The following L3MBTL2 variants were observed in gnomAD, a reference collection of about 807,000 sequenced individuals.
L3MBTL2 encodes the protein L3MBTL histone methyl-lysine binding protein 2.
L3MBTL2 carries 49 observed loss-of-function variants against 86.4 expected under a neutral mutation model. The observed-to-expected ratio is 0.57, with a 90% CI of 0.45 to 0.72. L3MBTL2 has a LOEUF of 0.72. Among genes scored for constraint, L3MBTL2 ranks in the 30% least tolerant of loss-of-function variants. L3MBTL2 has a pLI of 0.00. For synonymous variants in L3MBTL2, 336 were observed against 350.6 expected (o/e 0.96, Z 0.47); for missense variants, 755 against 923.7 (o/e 0.82, Z 2.37).
chr22:41,220,680 A>G (rs577562222), intron 6 of L3MBTL2, 54 bp from the exon 7 acceptor site: 148 of 1,539,540 alleles, frequency 9.6e-5, no homozygotes, highest in Non-Finnish European at 1.2e-4. Context: ...AAAAAACAGA[A>G]CATACCTTCC....
rs2032242769 is a variant in L3MBTL2, at chr22:41,227,162, G to A, written c.1661G>A (p.Cys554Tyr). 6 of 1,613,752 alleles carry A rather than the reference G, an allele frequency of 3.7e-6. No individual in the cohort carries two copies. Among genetic ancestry groups the A allele is most frequent in the East Asian group, 2.2e-5 (1 of 44,892 alleles). ...GACCTGATGGAGCCCCGGCTCATCTGTGTGGCCACGGTGAAACGAGTGGTG... is the reference window on the plus strand; with the variant it reads ...GACCTGATGGAGCCCCGGCTCATCTATGTGGCCACGGTGAAACGAGTGGTG... ...AVDLMEPRLI[C>Y]VATVKRVVHR... The change falls in exon 14 of 17, where the codon TGT becomes TAT. Residue 554 changes from cysteine to tyrosine, a missense_variant. Physicochemically the swap from Cys to Tyr is radical, Grantham distance 194. Around this residue, in one of 3 missense-constraint regions of L3MBTL2, gnomAD observed 634 missense variants for 748.9 expected, o/e 0.85. Coordinates refer to ENST00000216237, the MANE Select transcript of L3MBTL2 (RefSeq NM_031488.5). The surrounding 1 kb of genome is among the most constrained non-coding windows in gnomAD (Gnocchi z 6.0).
rs1299049790 is a variant in L3MBTL2, at chr22:41,227,189, A to G, written c.1688A>G (p.His563Arg). ...ICVATVKRVV[H>R]RLLSIHFDGW... ...GTGGCCACGGTGAAACGAGTGGTGC[A>G]TCGGCTCCTCAGCATCCACTTTGAC... The change falls in exon 14 of 17, where the codon CAT becomes CGT. Residue 563 changes from histidine (H) to arginine (R), a missense_variant. Coordinates refer to ENST00000216237, the MANE Select transcript of L3MBTL2 (RefSeq NM_031488.5). This position sits in a 1 kb window ranked among gnomAD's most constrained non-coding sequence, Gnocchi z 6.0. 3.7e-6 allele frequency: 6 copies of G among 1,613,568 alleles called. No homozygotes were observed. The highest frequency in any genetic ancestry group is 4.2e-6 in the Non-Finnish European group (5 of 1,180,000).
intron 1 of L3MBTL2, 104 bp downstream of exon 1, chr22:41,205,490 G>C (rs535101072): frequency 7.4e-7 from 1 of 1,346,964 alleles, no homozygotes; most frequent in African/African-American, 1.4e-5. Context: ...GGTGGAGGGT[G>C]GGAGGATGGA....
chr22:41,205,332 A>C lies in L3MBTL2; in HGVS notation c.-31A>C, dbSNP rs1431141349. The C allele has an allele frequency of 1.2e-6, 2 of 1,613,932 alleles. No individual in the cohort carries two copies. The highest frequency in any genetic ancestry group is 2.7e-5 in the African/African-American group (2 of 74,918). ...GGGGCAGGCCAATATGGCTTCCTGC[A>C]CCTGGTGACGCTTGGCGAAACTGAG... is the stretch of plus-strand genomic sequence containing the variant. On this transcript the variant is annotated 5_prime_UTR_variant, in exon 1 of 17. Coordinates refer to ENST00000216237, the MANE Select transcript of L3MBTL2 (RefSeq NM_031488.5).
rs1737174354 is a variant in L3MBTL2 at position 41,225,474 on chromosome 22, G to A, written c.1357-320G>A. Among the ~76,000 whole-genome samples, 1 of 152,112 alleles carries A rather than the reference G, an allele frequency of 6.6e-6. No homozygotes were observed. Among genetic ancestry groups the A allele is most frequent in the Non-Finnish European group, 1.5e-5 (1 of 68,004 alleles). ...ACCCCCACCCCTCCTTGGCCCTCCTGGAGGAGGCTGCTGACTCGTCCTCGC... is the reference window on the plus strand; with the variant it reads ...ACCCCCACCCCTCCTTGGCCCTCCTAGAGGAGGCTGCTGACTCGTCCTCGC... On this transcript the variant is annotated intron_variant, in intron 11 of 16. Coordinates refer to ENST00000216237, the MANE Select transcript of L3MBTL2 (RefSeq NM_031488.5). The surrounding 1 kb of genome is among the most constrained non-coding windows in gnomAD (Gnocchi z 4.1).
At chr22:41,228,741 T>C (rs2032367129) in intron 15 of L3MBTL2, among the ~76,000 whole-genome samples, 1 of 151,826 alleles carries the variant, frequency 6.6e-6, no homozygotes, top group African/African-American at 2.4e-5. Context: ...TCCCAGCTAC[T>C]TGGGAGGCTG....
rs1348947515 is a variant in L3MBTL2 at position 41,225,735 on chromosome 22, A to ACC, written c.1357-57_1357-56dup. On this transcript the variant is annotated intron_variant, in intron 11 of 16. Transcript: ENST00000216237. The surrounding 1 kb of genome is among the most constrained non-coding windows in gnomAD (Gnocchi z 4.1). Reference sequence around the variant, plus strand: ...GTGTCCCTATTGGGGTGCGGTACCAACCCAGGATGGGGTGCAGTTCATGAT... The same window carrying ACC: ...GTGTCCCTATTGGGGTGCGGTACCAACCCCCAGGATGGGGTGCAGTTCATGAT... 7 of 1,562,506 alleles carry ACC rather than the reference A, an allele frequency of 4.5e-6. No homozygotes were observed. In the Admixed American group the frequency reaches 1.2e-4, roughly 27 times the overall value.
Position 41,227,403 on chromosome 22 carries a change from C to G in L3MBTL2, c.1822+80C>G. 3 of 1,394,564 alleles carry G rather than the reference C, an allele frequency of 2.2e-6. No homozygotes were observed. The highest frequency in any genetic ancestry group is 3.0e-6 in the Non-Finnish European group (3 of 1,007,188). The allele number at this position is 1,394,564 out of a possible 1,614,324, so 86.4% of individuals were successfully genotyped here. On this transcript the variant is annotated intron_variant, in intron 14 of 16. Transcript: ENST00000216237. This position sits in a 1 kb window ranked among gnomAD's most constrained non-coding sequence, Gnocchi z 6.0. ...CTTCTTCCCCCGCCCCTGTGCCCAT[C>G]TCCGTTCTTTGGCATGAGGTGGAGA... is the stretch of plus-strand genomic sequence containing the variant.
chr22:41,209,804 A>T lies in L3MBTL2; in HGVS notation c.133A>T (p.Ser45Cys). Residue 45 changes from serine (S) to cysteine (C), a missense_variant, in exon 2 of 17, where the codon AGC becomes TGC. Physicochemically the swap from Ser to Cys is moderately radical, Grantham distance 112. Around this residue, in one of 3 missense-constraint regions of L3MBTL2, gnomAD observed 103 missense variants for 105.2 expected, o/e 0.98. Coordinates refer to ENST00000216237, the MANE Select transcript of L3MBTL2 (RefSeq NM_031488.5). ...SYNSSVGSES[S>C]SYLEESSEAE... ...TAACAGCAGTGTGGGCAGTGAGAGC[A>T]GCTCCTATCTGGAGGAGTCAAGTGA... is the stretch of plus-strand genomic sequence containing the variant. The T allele has an allele frequency of 1.2e-6, 2 of 1,614,190 alleles. No homozygotes were observed. Among genetic ancestry groups the T allele is most frequent in the Non-Finnish European group, 1.7e-6 (2 of 1,180,050 alleles).
rs982021667 is a variant in L3MBTL2 at position 41,216,018 on chromosome 22, A to G, written c.397-121A>G. 2.7e-6 allele frequency: 3 copies of G among 1,119,802 alleles called. No individual in the cohort carries two copies. The Admixed American group carries it at 8.2e-5, about 30-fold the overall frequency. 69.4% of individuals were successfully genotyped at this position (1,119,802 alleles called of 1,614,324 possible). ...TGTCATCACTGTTTCACACATGAAG[A>G]AACTGAAGCCCAAAAGAGGTTAAGT... is the stretch of plus-strand genomic sequence containing the variant. On this transcript the variant is annotated intron_variant, in intron 3 of 16. Coordinates refer to ENST00000216237, the MANE Select transcript of L3MBTL2 (RefSeq NM_031488.5).
intron 16 of L3MBTL2, 46 bp from the exon 17 acceptor site, chr22:41,230,093 C>CCCCCGTAATTTAAA: frequency 1.0e-6 from 1 of 965,792 alleles, no homozygotes; most frequent in Non-Finnish European, 1.6e-6. Context: ...CCACCCCTCC[C>CCCCCGTAATTTAAA]AGAGTTATTT....
intron 2 of L3MBTL2, among the ~76,000 whole-genome samples, chr22:41,212,946 C>T (rs532690922): frequency 4.7e-5 from 7 of 147,578 alleles, no homozygotes; most frequent in Non-Finnish European, 1.0e-4. Context: ...TAGCTGGGCG[C>T]ATTGGCTCAC....
In L3MBTL2 at chr22:41,229,307, C is replaced by T. The variant is rs537602500; in HGVS notation, c.1889-233C>T. 9.0e-4 allele frequency among the ~76,000 whole-genome samples: 137 copies of T among 152,312 alleles called. 1 individual carries two copies. Among genetic ancestry groups the T allele is most frequent in the African/African-American group, 3.2e-3 (135 of 41,558 alleles). On this transcript the variant is annotated intron_variant, in intron 15 of 16. Transcript: ENST00000216237. Reference sequence around the variant, plus strand: ...TTTTAAAAAGCAGTTACAACCACGACTGCCTGGGGCTTGGTTTGAGGGAGG... The same window carrying T: ...TTTTAAAAAGCAGTTACAACCACGATTGCCTGGGGCTTGGTTTGAGGGAGG...
intron 2 of L3MBTL2, chr22:41,210,142 T>TC (rs1491082974): frequency 1.5e-5 from 6 of 394,748 alleles, no homozygotes; most frequent in Admixed American, 8.5e-5. Flanking sequence ...AAGTCTAATT[T>TC]CTTTTTTTTT....
At position 41,227,823 on chromosome 22, in the gene L3MBTL2, G is replaced by T; in HGVS notation, c.1842G>T (p.Lys614Asn). Residue 614 changes from lysine (K) to asparagine (N), a missense_variant, in exon 15 of 17, where the codon AAG (lysine) becomes AAT (asparagine). Physicochemically the swap from Lys to Asn is moderately conservative, Grantham distance 94 (BLOSUM62 0). Around this residue, in one of 3 missense-constraint regions of L3MBTL2, gnomAD observed 634 missense variants for 748.9 expected, o/e 0.85. Coordinates refer to ENST00000216237, the MANE Select transcript of L3MBTL2 (RefSeq NM_031488.5). This position sits in a 1 kb window ranked among gnomAD's most constrained non-coding sequence, Gnocchi z 6.0. ...PVAAEPATPL[K>N]AKEATKKKKK... ...CAACAGAACCGGCCACACCGCTGAA[G>T]GCCAAAGAGGCCACAAAGAAGAAAA... 1 of 1,613,862 alleles carries T rather than the reference G, an allele frequency of 6.2e-7. No homozygotes were observed. Among genetic ancestry groups the T allele is most frequent in the Non-Finnish European group, 8.5e-7 (1 of 1,179,874 alleles).
chr22:41,213,704 C>T, intron 2 of L3MBTL2, 189 bp from the exon 3 acceptor site: 1 of 584,754 alleles, frequency 1.7e-6, no homozygotes, highest in Non-Finnish European at 3.0e-6. Flanking sequence ...GGCCAAGCAG[C>T]AGCACTTCAT....
chr22:41,209,076 A>G (rs1363485275), intron 1 of L3MBTL2: 1 of 151,114 alleles, frequency 6.6e-6, no homozygotes, highest in Non-Finnish European at 1.5e-5. Context: ...TACCCCAGAA[A>G]GTCTTTGTGA....
intron 2 of L3MBTL2, among the ~76,000 whole-genome samples, chr22:41,210,715 C>G (rs1018175136): frequency 6.6e-6 from 1 of 152,188 alleles, no homozygotes; most frequent in African/African-American, 2.4e-5. Flanking sequence ...CCACCCACCT[C>G]AGCTTCCCAA....
Position 41,209,691 on chromosome 22 carries a change from A to G in L3MBTL2, c.25-5A>G, listed in dbSNP as rs953131456. On this transcript the variant is annotated splice_region_variant and splice_polypyrimidine_tract_variant and intron_variant, in intron 1 of 16. Transcript: ENST00000216237. The stretch of plus-strand genomic sequence containing the variant: ...TTCTACCTGGTTTGTGTCATCCTCC[A>G]TTAGGAGACCCCATCTTCAGAACCA... 1 of 1,613,660 alleles carries G rather than the reference A, an allele frequency of 6.2e-7. No homozygotes were observed. The highest frequency in any genetic ancestry group is 1.3e-5 in the African/African-American group (1 of 74,938).
Sources: gnomAD v4.1 joint callset for allele counts (sites outside exome capture counted in the v4.1 genomes callset) on GRCh38, gnomAD v4.1.1 for gene constraint, gnomAD v4.1.1 regional missense constraint, Gnocchi (gnomAD v3.1) non-coding constraint, MANE v1.5 for transcripts, NCBI Gene and HGNC (gene_info 2026-07-23, HGNC 2026-07-21) for gene names.